Variants in NLGN1 observed in about 807,000 individuals in gnomAD.
NLGN1 encodes neuroligin 1.
Under a neutral mutation model 65.5 loss-of-function variants are expected in NLGN1, and 12 were observed. The ratio of observed to expected loss-of-function variants is 0.18; its 90% CI spans 0.12 to 0.30. NLGN1 has a LOEUF of 0.30. Among genes scored for constraint, NLGN1 ranks in the 10% least tolerant of loss-of-function variants. The pLI, the probability that NLGN1 is intolerant of heterozygous loss-of-function variation, is 1.00. For synonymous variants in NLGN1, 350 were observed against 359.5 expected, an observed-to-expected ratio of 0.97 and a Z score of 0.30; for missense variants, 750 against 1,007.1, an observed-to-expected ratio of 0.74 and a Z score of 3.46.
chr3:173,821,195 A>G (rs866509086), intron 4 of NLGN1, among the ~76,000 whole-genome samples: 111 of 152,316 alleles, frequency 7.3e-4, no homozygotes, highest in African/African-American at 2.5e-3. Context: ...TATCCCTGAG[A>G]TGAAACATAT....
intron 2 of NLGN1, among the ~76,000 whole-genome samples, chr3:173,594,098 G>A (rs1198850528): frequency 1.3e-5 from 2 of 152,120 alleles, no homozygotes; most frequent in African/African-American, 2.4e-5. Flanking sequence ...CAAATCTCAT[G>A]TCCTCGCATT....
chr3:173,582,966 C>G (rs1577381616), intron 2 of NLGN1, among the ~76,000 whole-genome samples: 1 of 152,210 alleles, frequency 6.6e-6, no homozygotes, highest in East Asian at 1.9e-4. Flanking sequence ...TTTCATATGG[C>G]TAATTCAGTG....
intron 4 of NLGN1, among the ~76,000 whole-genome samples, chr3:173,826,349 C>T (rs963214740): frequency 5.9e-5 from 9 of 151,926 alleles, no homozygotes; most frequent in African/African-American, 1.9e-4. Flanking sequence ...TCCACATTGC[C>T]CTTTCATTGC....
At chr3:173,920,566 A>G (rs1240766466) in intron 4 of NLGN1, 2 of 152,186 alleles carry the variant, frequency 1.3e-5, no homozygotes, top group Non-Finnish European at 2.9e-5. Flanking sequence ...ACCTTCAAGC[A>G]TGTGAGAATG....
chr3:173,493,993 G>A (rs1729599176), intron 2 of NLGN1, among the ~76,000 whole-genome samples: 1 of 151,682 alleles, frequency 6.6e-6, no homozygotes, highest in Non-Finnish European at 1.5e-5. Flanking sequence ...ACCAAAAATG[G>A]TTGATAGTTC....
intron 4 of NLGN1, among the ~76,000 whole-genome samples, chr3:174,176,295 C>A (rs1729434348): frequency 6.6e-6 from 1 of 151,878 alleles, no homozygotes. Flanking sequence ...CTCCCCAATT[C>A]TGTTACCTAT....
At chr3:173,527,991 T>C (rs147602789) in intron 2 of NLGN1, among the ~76,000 whole-genome samples, 205 of 152,356 alleles carry the variant, frequency 1.3e-3, no homozygotes, top group Middle Eastern at 3.4e-3. Context: ...ATTCCTATAA[T>C]AGTGTTGTTA....
intron 4 of NLGN1, among the ~76,000 whole-genome samples, chr3:173,851,407 G>C (rs1380823977): frequency 6.6e-6 from 1 of 152,190 alleles, no homozygotes; most frequent in African/African-American, 2.4e-5. Flanking sequence ...TTATGATTAT[G>C]TTTATTCCTT....
At chr3:174,156,156 A>C (rs546579887) in intron 4 of NLGN1, among the ~76,000 whole-genome samples, 4 of 151,880 alleles carry the variant, frequency 2.6e-5, no homozygotes, top group African/African-American at 9.7e-5. Context: ...CTTCTTTTCT[A>C]CTTTAACGCA....
intron 3 of NLGN1, among the ~76,000 whole-genome samples, chr3:173,735,929 A>T (rs974539151): frequency 6.6e-6 from 1 of 152,106 alleles, no homozygotes; most frequent in Non-Finnish European, 1.5e-5. Flanking sequence ...AACATGTTAT[A>T]AAAATATATA....
rs376201069 is a variant in NLGN1, at chr3:174,009,848, G to C, written c.646+202016G>C. Among the ~76,000 whole-genome samples the C allele has an allele frequency of 5.0e-4, 76 of 152,234 alleles. 1 individual carries two copies. Among genetic ancestry groups the C allele is most frequent in the African/African-American group, 1.7e-3 (69 of 41,538 alleles). ...GACAATGGCTCAGCTGGGCAAAAAG[G>C]GTAAGTAGGATTTCAATAGGCAGAG... On this transcript the variant is annotated intron_variant, in intron 4 of 6. Transcript: ENST00000457714.
intron 4 of NLGN1, among the ~76,000 whole-genome samples, chr3:173,941,136 G>A (rs1479334339): frequency 6.6e-6 from 1 of 152,088 alleles, no homozygotes; most frequent in Non-Finnish European, 1.5e-5. Context: ...ATATCTACAT[G>A]CCAGATAGTT....
chr3:173,531,698 CAATT>C (rs1163778103), intron 2 of NLGN1, among the ~76,000 whole-genome samples: 1 of 151,878 alleles, frequency 6.6e-6, no homozygotes, highest in Non-Finnish European at 1.5e-5. Context: ...TTAAGTTAAC[CAATT>C]ATTTAAACAT....
At chr3:174,110,376 A>C (rs1168689153) in intron 4 of NLGN1, among the ~76,000 whole-genome samples, 1 of 151,794 alleles carries the variant, frequency 6.6e-6, no homozygotes, top group Non-Finnish European at 1.5e-5. Context: ...TTTTAAGGGG[A>C]TGTTCGTTGT....
intron 2 of NLGN1, among the ~76,000 whole-genome samples, chr3:173,478,328 C>G (rs1374697960): frequency 2.0e-5 from 3 of 152,046 alleles, no homozygotes; most frequent in Non-Finnish European, 4.4e-5. Flanking sequence ...AGCATGTTCT[C>G]CCTTATAAGT....
chr3:174,086,849 G>A (rs1743510018), intron 4 of NLGN1, among the ~76,000 whole-genome samples: 2 of 152,098 alleles, frequency 1.3e-5, no homozygotes, highest in East Asian at 1.9e-4. Flanking sequence ...GTTTGGCACA[G>A]TTATTTTATT....
At chr3:174,022,801 A>C (rs1199010203) in intron 4 of NLGN1, among the ~76,000 whole-genome samples, 1 of 152,028 alleles carries the variant, frequency 6.6e-6, no homozygotes, top group African/African-American at 2.4e-5. Context: ...GCAGTTACTG[A>C]CTTACCATTG....
intron 3 of NLGN1, among the ~76,000 whole-genome samples, chr3:173,761,453 C>G (rs1344282383): frequency 2.0e-5 from 3 of 151,968 alleles, no homozygotes; most frequent in Admixed American, 2.0e-4. Flanking sequence ...TGTCCACAAT[C>G]AAGTGTGATT....
rs1579507176 is a variant in NLGN1 at position 173,973,531 on chromosome 3, T to A, written c.646+165699T>A. Among the ~76,000 whole-genome samples the A allele has an allele frequency of 2.0e-5, 3 of 151,998 alleles. No individual in the cohort carries two copies. The East Asian group carries it at 5.8e-4, about 29-fold the overall frequency. ...GAATAAATATATGATAACAAATTTT[T>A]GAGGAATAAAATTATGTGGTTTTTT... is the stretch of plus-strand genomic sequence containing the variant. On this transcript the variant is annotated intron_variant, in intron 4 of 6. Transcript: ENST00000457714.
Sources: gnomAD v4.1 joint callset for allele counts (sites outside exome capture counted in the v4.1 genomes callset) on GRCh38, gnomAD v4.1.1 for gene constraint, MANE v1.5 for transcripts, NCBI Gene and HGNC (gene_info 2026-07-23, HGNC 2026-07-21) for gene names.